The following NUP210 variants were observed in gnomAD, a reference collection of about 807,000 sequenced individuals.
NUP210 encodes nucleoporin 210, also known as nuclear pore membrane glycoprotein 210.
A neutral mutation model predicts 196.0 loss-of-function variants in NUP210; 151 were observed. The observed-to-expected ratio is 0.77, with a 90% CI of 0.67 to 0.88. NUP210 has a LOEUF of 0.88. NUP210 is among the 40% of genes least tolerant of loss of function. NUP210 has a pLI of 0.00. For missense variants in NUP210, 2,314 were observed against 2,493.7 expected (o/e 0.93, Z 1.53); for synonymous variants, 1,070 against 1,052.7 (o/e 1.02, Z -0.32).
At chr3:13,397,624 T>A in intron 2 of NUP210, 136 bp from the exon 3 acceptor site, 1 of 868,314 alleles carries the variant, frequency 1.2e-6, no homozygotes, top group Non-Finnish European at 1.6e-6. Flanking sequence ...AGCAGCTGCC[T>A]CACACATGGC....
intron 21 of NUP210, among the ~76,000 whole-genome samples, 162 bp downstream of exon 21, chr3:13,343,013 T>C (rs921691751): frequency 6.6e-6 from 1 of 152,172 alleles, no homozygotes; most frequent in Non-Finnish European, 1.5e-5. Flanking sequence ...ATCCTCCACA[T>C]GGAGCGAAGG....
chr3:13,371,910 C>G lies in NUP210; in HGVS notation c.1710G>C (p.Val570=). 6.2e-7 allele frequency: 1 copy of G among 1,609,794 alleles called. No homozygotes were observed. The highest frequency in any genetic ancestry group is 8.5e-7 in the Non-Finnish European group (1 of 1,178,372). ...SGLMPGGASE[V]VTLSDCSHFD... The stretch of plus-strand genomic sequence containing the variant: ...AGTGGGAGCAGTCGCTCAAGGTGAC[C>G]ACCTCACTGGCCCCGCCGGGCATGA... The change falls in exon 13 of 40, where the codon GTG becomes GTC. Residue 570 remains valine, a synonymous_variant. Coordinates refer to ENST00000254508, the MANE Select transcript of NUP210 (RefSeq NM_024923.4).
At position 13,400,786 on chromosome 3, in the gene NUP210, G is replaced by A. The variant is rs541648209; in HGVS notation, c.168-925C>T. Among the ~76,000 whole-genome samples, 4 of 152,252 alleles carry A rather than the reference G, an allele frequency of 2.6e-5. No individual in the cohort carries two copies. The East Asian group carries it at 7.7e-4, about 29-fold the overall frequency. On this transcript the variant is annotated intron_variant, in intron 1 of 39. Coordinates refer to ENST00000254508, the MANE Select transcript of NUP210 (RefSeq NM_024923.4). ...TTATAGTGTGACCAAGGCCCCAGGAGGGGCCACTAAGCCGTGCCTGGCGCT... is the reference window on the plus strand; with the variant it reads ...TTATAGTGTGACCAAGGCCCCAGGAAGGGCCACTAAGCCGTGCCTGGCGCT...
chr3:13,386,465 G>A (rs1196228006), intron 5 of NUP210, 58 bp from the exon 6 acceptor site: 1 of 1,595,348 alleles, frequency 6.3e-7, no homozygotes, highest in Admixed American at 1.7e-5. Context: ...GGGAAGTGGT[G>A]GTGTGAGCAA....
chr3:13,335,284 C>T (rs561570288), intron 28 of NUP210, among the ~76,000 whole-genome samples, 170 bp downstream of exon 28: 32 of 152,308 alleles, frequency 2.1e-4, no homozygotes, highest in African/African-American at 7.7e-4. Flanking sequence ...CCCATAGCAC[C>T]AATCACACCC....
chr3:13,370,028 T>C (rs1698675402), intron 13 of NUP210, among the ~76,000 whole-genome samples: 1 of 152,174 alleles, frequency 6.6e-6, no homozygotes. Context: ...GGACCAAATT[T>C]GTTTCTTTAG....
intron 20 of NUP210, 39 bp from the exon 21 acceptor site, chr3:13,343,342 G>GGGGCT: frequency 1.5e-6 from 1 of 655,994 alleles, no homozygotes; most frequent in Non-Finnish European, 2.5e-6. Flanking sequence ...TGGGTGGTGG[G>GGGGCT]TTACGCAGCT....
At chr3:13,375,142 C>CTTTTTTTTTTTTTTTTTTTTT (rs76945178) in intron 11 of NUP210, among the ~76,000 whole-genome samples, 1 of 138,440 alleles carries the variant, frequency 7.2e-6, no homozygotes, top group African/African-American at 2.7e-5. Flanking sequence ...TATTTTTTCT[C>CTTTTTTTTTTTTTTTTTTTTT]TTTTTTTTTT....
At chr3:13,367,955 G>A (rs1178793208) in intron 13 of NUP210, among the ~76,000 whole-genome samples, 3 of 152,186 alleles carry the variant, frequency 2.0e-5, no homozygotes, top group East Asian at 1.9e-4. Context: ...GCTGCAGGGC[G>A]TGCATGTGTT....
chr3:13,407,793 A>C (rs1700045914), intron 1 of NUP210, among the ~76,000 whole-genome samples: 1 of 152,162 alleles, frequency 6.6e-6, no homozygotes, highest in Admixed American at 6.5e-5. Context: ...GCATTCATCC[A>C]CTTATTGAAA....
chr3:13,380,176 C>A (rs958782165), intron 6 of NUP210, among the ~76,000 whole-genome samples: 1 of 152,172 alleles, frequency 6.6e-6, no homozygotes, highest in African/African-American at 2.4e-5. Context: ...GCCATCCTCA[C>A]CAGCTTCAGT....
At chr3:13,410,263 C>T (rs1488414041) in intron 1 of NUP210, among the ~76,000 whole-genome samples, 1 of 151,798 alleles carries the variant, frequency 6.6e-6, no homozygotes, top group Admixed American at 6.6e-5. Context: ...TCACCGCAGC[C>T]TCCACCTCCC....
intron 30 of NUP210, among the ~76,000 whole-genome samples, chr3:13,329,252 C>T (rs1179891338): frequency 1.3e-5 from 2 of 152,202 alleles, no homozygotes; most frequent in African/African-American, 4.8e-5. Flanking sequence ...GCCCCCTGGG[C>T]TGCAAATGTC....
At position 13,317,615 on chromosome 3, in the gene NUP210, G is replaced by C; in HGVS notation, c.*66C>G. Reference sequence around the variant, plus strand: ...GCTTGTTCCAGTGTGAATGCAGCAGGGATGTTCCATCTTGGGGGTGCACGA... The same window carrying C: ...GCTTGTTCCAGTGTGAATGCAGCAGCGATGTTCCATCTTGGGGGTGCACGA... On this transcript the variant is annotated 3_prime_UTR_variant, in exon 40 of 40. Coordinates refer to ENST00000254508, the MANE Select transcript of NUP210 (RefSeq NM_024923.4). 8.5e-7 allele frequency: 1 copy of C among 1,174,522 alleles called. No individual in the cohort carries two copies. The highest frequency in any genetic ancestry group is 1.2e-6 in the Non-Finnish European group (1 of 806,152). The allele number at this position is 1,174,522 out of a possible 1,614,324, so 72.8% of individuals were successfully genotyped here.
chr3:13,320,185 A>G (rs1696463005), intron 36 of NUP210, among the ~76,000 whole-genome samples: 1 of 152,190 alleles, frequency 6.6e-6, no homozygotes, highest in Non-Finnish European at 1.5e-5. Flanking sequence ...ATGGGCAGGT[A>G]ATGACACCTG....
chr3:13,343,342 G>GGGGGGGGGGGGGGGGGGGGGGGGGGGC, intron 20 of NUP210, 39 bp from the exon 21 acceptor site: 6 of 655,968 alleles, frequency 9.1e-6, no homozygotes, highest in East Asian at 4.4e-5. Flanking sequence ...TGGGTGGTGG[G>GGGGGGGGGGGGGGGGGGGGGGGGGGGC]TTACGCAGCT....
At chr3:13,357,403 T>C (rs1267265433) in intron 16 of NUP210, among the ~76,000 whole-genome samples, 2 of 152,228 alleles carry the variant, frequency 1.3e-5, no homozygotes, top group Non-Finnish European at 2.9e-5. Context: ...ATCCATCTTA[T>C]TTGTGCATCT....
chr3:13,344,474 T>C (rs1697643235), intron 20 of NUP210, among the ~76,000 whole-genome samples: 1 of 151,908 alleles, frequency 6.6e-6, no homozygotes, highest in Admixed American at 6.6e-5. Flanking sequence ...GAGCAAGAGG[T>C]TTTAAAGTAA....
intron 14 of NUP210, among the ~76,000 whole-genome samples, chr3:13,361,429 T>C (rs1054262806): frequency 7.2e-5 from 11 of 152,160 alleles, no homozygotes; most frequent in African/African-American, 2.4e-4. Flanking sequence ...GTGTGGGCAA[T>C]GGCAGTGCTT....
Sources: allele counts gnomAD v4.1 joint callset (sites outside exome capture counted in the v4.1 genomes callset), GRCh38; gene constraint gnomAD v4.1.1; transcripts MANE v1.5; gene names NCBI Gene and HGNC (gene_info 2026-07-23, HGNC 2026-07-21).